SLC30A8: variants seen among roughly 807,000 people sequenced by gnomAD.
SLC30A8 encodes solute carrier family 30 member 8.
In SLC30A8, 27 loss-of-function variants were observed where a neutral mutation model predicts 36.9. The ratio of observed to expected loss-of-function variants is 0.73; its 90% CI spans 0.54 to 1.01. The LOEUF is 1.01. Ranked by LOEUF, SLC30A8 falls within the 50% of genes least tolerant of loss-of-function variation. The probability of loss-of-function intolerance (pLI) is 0.00; values close to 1 mark genes in which losing one functional copy is unlikely to be tolerated. For synonymous variants in SLC30A8, 164 were observed against 172.4 expected (o/e 0.95, Z 0.38); for missense variants, 439 against 452.0 (o/e 0.97, Z 0.26).
At chr8:117,119,704 T>C (rs1191119546) in intron 2 of SLC30A8, among the ~76,000 whole-genome samples, 1 of 151,984 alleles carries the variant, frequency 6.6e-6, no homozygotes, top group Non-Finnish European at 1.5e-5. Flanking sequence ...TTTTGGGAGA[T>C]GGTAGAAGCT....
intron 2 of SLC30A8, among the ~76,000 whole-genome samples, chr8:117,080,137 G>C (rs753245839): frequency 6.6e-6 from 1 of 151,720 alleles, no homozygotes; most frequent in Non-Finnish European, 1.5e-5. Context: ...CCTGATATCT[G>C]GTACAATTTT....
At chr8:117,071,852 T>C (rs1417283530) in intron 2 of SLC30A8, among the ~76,000 whole-genome samples, 1 of 152,174 alleles carries the variant, frequency 6.6e-6, no homozygotes, top group East Asian at 1.9e-4. Context: ...CATGCTAGTT[T>C]TTCTCTGTTT....
intron 1 of SLC30A8, among the ~76,000 whole-genome samples, chr8:116,953,116 CAT>C (rs1364616702): frequency 1.3e-5 from 2 of 152,106 alleles, no homozygotes; most frequent in Non-Finnish European, 2.9e-5. Flanking sequence ...TAAGTGAGAA[CAT>C]GTGGTATTTG....
chr8:117,032,789 C>T (rs191939842), intron 1 of SLC30A8, among the ~76,000 whole-genome samples: 2 of 152,056 alleles, frequency 1.3e-5, no homozygotes, highest in Admixed American at 1.3e-4. Context: ...ACTCAGGAGG[C>T]TGAGGCAAGA....
At chr8:117,050,154 C>T (rs1563568723) in intron 2 of SLC30A8, among the ~76,000 whole-genome samples, 4 of 152,170 alleles carry the variant, frequency 2.6e-5, no homozygotes, top group African/African-American at 7.2e-5. Flanking sequence ...AGACAGGAGG[C>T]ATGATGCGTG....
intron 1 of SLC30A8, among the ~76,000 whole-genome samples, chr8:116,972,873 C>G (rs538577737): frequency 4.3e-4 from 66 of 152,302 alleles, no homozygotes; most frequent in African/African-American, 1.4e-3. Context: ...TAATTTTTAA[C>G]TAGGGATGTG....
chr8:116,980,157 A>G (rs1815203798), intron 1 of SLC30A8, among the ~76,000 whole-genome samples: 4 of 152,170 alleles, frequency 2.6e-5, no homozygotes, highest in South Asian at 4.1e-4. Context: ...AAATAAGTAC[A>G]TATTGCCTTA....
chr8:117,153,126 G>A (rs1433281521), intron 3 of SLC30A8, 36 bp downstream of exon 3: 10 of 1,504,782 alleles, frequency 6.6e-6, no homozygotes, highest in African/African-American at 1.4e-5. Context: ...CAGCAGGCTG[G>A]TGCTGCAAAG....
At position 117,066,022 on chromosome 8, in the gene SLC30A8, C is replaced by T. The variant is rs144270464; in HGVS notation, c.-226+26764C>T. ...TTCCTTCCCTCAGCACTTCAATTGG[C>T]CTCTCATGTGTTGGTGGAACACACA... On this transcript the variant is annotated intron_variant, in intron 2 of 10. Transcript: ENST00000427715. Among the ~76,000 whole-genome samples the T allele has an allele frequency of 1.8e-3, 268 of 152,226 alleles. 1 individual carries two copies. Among genetic ancestry groups the T allele is most frequent in the African/African-American group, 6.2e-3 (258 of 41,536 alleles).
chr8:117,097,815 AAT>A (rs1276808686), intron 2 of SLC30A8, among the ~76,000 whole-genome samples: 2 of 70,108 alleles, frequency 2.9e-5, no homozygotes, highest in African/African-American at 1.1e-4. Flanking sequence ...ATTTTAAATA[AAT>A]ATATATATTA....
intron 2 of SLC30A8, among the ~76,000 whole-genome samples, chr8:117,077,639 T>C (rs1306576179): frequency 6.6e-6 from 1 of 152,190 alleles, no homozygotes; most frequent in African/African-American, 2.4e-5. Context: ...TTATATTATC[T>C]CTCAGGGAGG....
At chr8:116,983,486 T>TA (rs1418980627) in intron 1 of SLC30A8, among the ~76,000 whole-genome samples, 1 of 152,184 alleles carries the variant, frequency 6.6e-6, no homozygotes, top group African/African-American at 2.4e-5. Context: ...CAAAAAGTGT[T>TA]ACTGGTGTGT....
chr8:117,093,612 C>G (rs1196041135), intron 2 of SLC30A8, among the ~76,000 whole-genome samples: 1 of 152,048 alleles, frequency 6.6e-6, no homozygotes, highest in Admixed American at 6.5e-5. Context: ...GTTAGTGTTA[C>G]AAATGAATAA....
chr8:117,129,223 A>C (rs1182762470), intron 2 of SLC30A8, among the ~76,000 whole-genome samples: 2 of 152,088 alleles, frequency 1.3e-5, no homozygotes, highest in African/African-American at 4.8e-5. Context: ...GTGTTTGAGC[A>C]GACAATGAAT....
chr8:117,004,765 C>T (rs560459872), intron 1 of SLC30A8, among the ~76,000 whole-genome samples: 20 of 152,106 alleles, frequency 1.3e-4, no homozygotes, highest in Admixed American at 9.8e-4. Flanking sequence ...AAGAATGTAC[C>T]AAGTGTTGAT....
At chr8:117,022,532 T>C (rs185394344) in intron 1 of SLC30A8, among the ~76,000 whole-genome samples, 8 of 152,132 alleles carry the variant, frequency 5.3e-5, no homozygotes, top group Admixed American at 2.0e-4. Flanking sequence ...AACAGAGATA[T>C]AGACCAATGG....
chr8:117,042,826 C>T (rs528130009), intron 2 of SLC30A8, among the ~76,000 whole-genome samples: 1 of 152,310 alleles, frequency 6.6e-6, no homozygotes, highest in East Asian at 1.9e-4. Context: ...CAGGCATGTG[C>T]CACCACAACC....
chr8:117,036,570 A>G (rs569539692), intron 1 of SLC30A8, among the ~76,000 whole-genome samples: 2 of 152,236 alleles, frequency 1.3e-5, no homozygotes, highest in South Asian at 4.2e-4. Flanking sequence ...ACTTCCAATC[A>G]TGGCGGAAGG....
At chr8:117,070,097 A>G (rs1586466878) in intron 2 of SLC30A8, among the ~76,000 whole-genome samples, 1 of 152,362 alleles carries the variant, frequency 6.6e-6, no homozygotes, top group East Asian at 1.9e-4. Context: ...AACTGAAATC[A>G]ATCAGTGATT....
Sources: allele counts gnomAD v4.1 joint callset (sites outside exome capture counted in the v4.1 genomes callset), GRCh38; gene constraint gnomAD v4.1.1; transcripts MANE v1.5; gene names NCBI Gene and HGNC (gene_info 2026-07-23, HGNC 2026-07-21).